The following ZNF117 variants were observed in gnomAD, a reference collection of about 807,000 sequenced individuals.
ZNF117 encodes Krueppel-related zinc finger protein.
Under a neutral mutation model 41.2 loss-of-function variants are expected in ZNF117, and 37 were observed. The observed-to-expected ratio is 0.90, with a 90% confidence interval of 0.69 to 1.18. The LOEUF (loss-of-function observed/expected upper bound fraction) is 1.18. Among genes scored for constraint, ZNF117 ranks in the 50% most tolerant of loss-of-function variants. The pLI, the probability that ZNF117 is intolerant of heterozygous loss-of-function variation, is 0.00. For missense variants in ZNF117, 546 were observed against 557.5 expected, an observed-to-expected ratio of 0.98 and a Z score of 0.21; for synonymous variants, 186 against 186.6, an observed-to-expected ratio of 1.00 and a Z score of 0.02.
downstream of ZNF117, chr7:64,973,241 C>T (rs548090029): frequency 2.4e-4 from 36 of 152,020 alleles, no homozygotes; most frequent in African/African-American, 7.2e-4. Context: ...ATTTTGCAAC[C>T]TTTAAATTTC....
exon 3 of ZNF117, chr7:64,977,366 G>T: frequency 2.4e-6 from 1 of 411,378 alleles, no homozygotes. Flanking sequence ...TTGAAGACTG[G>T]CTAAAAGCTT....
upstream of ZNF117, among the ~76,000 whole-genome samples, chr7:64,982,698 C>G: frequency 6.6e-6 from 1 of 152,094 alleles, no homozygotes; most frequent in Middle Eastern, 3.2e-3. Context: ...AAAGGGATGA[C>G]AGCTTTCATT....
chr7:64,979,110 T>A (rs569621049), exon 3 of ZNF117: 8 of 1,612,518 alleles, frequency 5.0e-6, no homozygotes, highest in Non-Finnish European at 5.9e-6. Context: ...TCTCTTATGT[T>A]TATTAAGGGT....
In ZNF117 at chr7:64,981,249, G is replaced by C. The variant is rs937261263; in HGVS notation, c.34+138C>G. The stretch of plus-strand genomic sequence containing the variant: ...AATACAAAATATGTTCTATGTGAGA[G>C]AAAAATAAAAAAAAACTCGGGCTTT... On this transcript the variant is annotated intron_variant, in intron 2 of 2. Coordinates refer to ENST00000620222, the Ensembl canonical transcript of ZNF117. 4 of 1,100,202 alleles carry C rather than the reference G, an allele frequency of 3.6e-6. No homozygotes were observed. In the African/African-American group the frequency reaches 6.4e-5, roughly 18 times the overall value. The allele number at this position is 1,100,202 out of a possible 1,614,324, so 68.2% of individuals were successfully genotyped here. A position where few individuals can be genotyped will look rare whatever the true frequency, so the allele number is the denominator to read the frequency against.
rs1353995992 is a variant in ZNF117, at chr7:64,978,952, T to A, written c.619A>T (p.Thr207Ser). 2 of 1,613,196 alleles carry A rather than the reference T, an allele frequency of 1.2e-6. No homozygotes were observed. Among genetic ancestry groups the A allele is most frequent in the Admixed American group, 1.7e-5 (1 of 59,882 alleles). ...TGAATTATATTATGTGTAGTAAGGG[T>A]CGATGACTGGTTAAAGGCTTTGCCA... The change falls in exon 3 of 3, where the codon ACC (threonine) becomes TCC (serine). Residue 207 changes from threonine (T) to serine (S), a missense_variant. Thr to Ser is a moderately conservative substitution (Grantham distance 58). Transcript: ENST00000620222.
downstream of ZNF117, chr7:64,972,530 G>A (rs1785799623): frequency 6.6e-6 from 1 of 152,000 alleles, no homozygotes; most frequent in Admixed American, 6.5e-5. Context: ...TTGTCTACAT[G>A]AGCCAGACAC....
chr7:64,973,906 T>C (rs1156674099), downstream of ZNF117: 1 of 152,000 alleles, frequency 6.6e-6, no homozygotes, highest in Non-Finnish European at 1.5e-5. Flanking sequence ...CATCTCTGAC[T>C]TGAAGTTACA....
At chr7:64,988,687 A>G (rs1786187392) in intron 1 of ZNF117, among the ~76,000 whole-genome samples, 1 of 152,216 alleles carries the variant, frequency 6.6e-6, no homozygotes, top group African/African-American at 2.4e-5. Flanking sequence ...GTAATTCTAT[A>G]TATAGAAAAC....
At chr7:64,978,529 G>A (rs1327311794) in exon 3 of ZNF117, 2 of 1,613,198 alleles carry the variant, frequency 1.2e-6, no homozygotes, top group South Asian at 2.2e-5. Context: ...TGTCTAGTAA[G>A]GTTTGAGAGT....
At chr7:64,973,948 T>C (rs1785823156), downstream of ZNF117, 1 of 151,952 alleles carries the variant, frequency 6.6e-6, no homozygotes, top group African/African-American at 2.4e-5. Context: ...TTACAGGTTA[T>C]TATGGAACAT....
exon 3 of ZNF117, chr7:64,977,517 G>GT (rs1584045564): frequency 3.8e-6 from 2 of 525,708 alleles, no homozygotes; most frequent in East Asian, 5.1e-5. Flanking sequence ...TTTATGTATA[G>GT]TAAGAGTTGA....
chr7:64,987,365 AT>A (rs1370747145), intron 1 of ZNF117, among the ~76,000 whole-genome samples: 3 of 152,186 alleles, frequency 2.0e-5, no homozygotes, highest in Non-Finnish European at 4.4e-5. Flanking sequence ...CAATTTAACA[AT>A]GTAATATCAT....
At chr7:64,982,943 CT>C (rs1191856453), upstream of ZNF117, among the ~76,000 whole-genome samples, 1 of 152,188 alleles carries the variant, frequency 6.6e-6, no homozygotes, top group East Asian at 1.9e-4. Flanking sequence ...AGCTTCACTG[CT>C]GCGATATTGA....
At chr7:64,981,533 C>G in intron 1 of ZNF117, 51 bp from the exon 3 acceptor site, 1 of 1,429,710 alleles carries the variant, frequency 7.0e-7, no homozygotes, top group Non-Finnish European at 9.8e-7. Flanking sequence ...TCTCCAATTA[C>G]CAACTTGGTA....
chr7:64,982,373 G>A (rs1786049485), upstream of ZNF117, among the ~76,000 whole-genome samples: 2 of 152,118 alleles, frequency 1.3e-5, no homozygotes, highest in Admixed American at 1.3e-4. Context: ...GGATAATAAA[G>A]TATAAATTAG....
upstream of ZNF117, among the ~76,000 whole-genome samples, chr7:64,983,549 G>C (rs1373170836): frequency 1.3e-5 from 2 of 152,302 alleles, no homozygotes; most frequent in Middle Eastern, 3.4e-3. Flanking sequence ...AGGCAGAGTG[G>C]ACACAGCTCT....
At chr7:64,980,269 A>C (rs1190845638) in intron 2 of ZNF117, 1 of 152,084 alleles carries the variant, frequency 6.6e-6, no homozygotes, top group Non-Finnish European at 1.5e-5. Context: ...TGTGACAGGT[A>C]GCTTGTTTTT....
chr7:64,985,433 T>C (rs906427713), upstream of ZNF117, among the ~76,000 whole-genome samples: 2 of 152,212 alleles, frequency 1.3e-5, no homozygotes, highest in South Asian at 2.1e-4. Context: ...GCTCAACTTT[T>C]GTGTGCTCTT....
At chr7:64,985,950 C>A (rs1448148698), upstream of ZNF117, among the ~76,000 whole-genome samples, 252 of 82,132 alleles carry the variant, frequency 3.1e-3, no homozygotes, top group East Asian at 5.8e-3. Flanking sequence ...GACTCCATCT[C>A]AAAAAAAAAA....
Sources: allele counts gnomAD v4.1 joint callset (sites outside exome capture counted in the v4.1 genomes callset), GRCh38; gene constraint gnomAD v4.1.1; transcripts MANE v1.5; gene names NCBI Gene and HGNC (gene_info 2026-07-23, HGNC 2026-07-21).